ATXN7L1: variants seen among roughly 807,000 people sequenced by gnomAD.
ATXN7L1 encodes ataxin 7 like 1.
In ATXN7L1, 15 loss-of-function variants were observed where a neutral mutation model predicts 70.8. The observed-to-expected ratio is 0.21, with a 90% confidence interval of 0.14 to 0.33. The LOEUF (loss-of-function observed/expected upper bound fraction) is 0.33. ATXN7L1 is among the 10% of genes least tolerant of loss of function. ATXN7L1 has a pLI of 1.00. For synonymous variants in ATXN7L1, 440 were observed against 445.1 expected (o/e 0.99, Z 0.14); for missense variants, 975 against 1,097.1 (o/e 0.89, Z 1.57).
intron 3 of ATXN7L1, among the ~76,000 whole-genome samples, chr7:105,778,524 A>AAC (rs2116457715): frequency 1.4e-5 from 2 of 138,376 alleles, no homozygotes; most frequent in South Asian, 4.3e-4. Flanking sequence ...AAAAAAAAAA[A>AAC]AAAAAAAAAA....
intron 2 of ATXN7L1, chr7:105,875,123 G>A (rs1248051702): frequency 6.6e-6 from 1 of 152,624 alleles, no homozygotes. Flanking sequence ...TATTTATGAC[G>A]ACCATATGTG....
At chr7:105,823,930 G>A (rs532696223) in intron 2 of ATXN7L1, among the ~76,000 whole-genome samples, 3 of 152,268 alleles carry the variant, frequency 2.0e-5, no homozygotes, top group African/African-American at 7.2e-5. Flanking sequence ...AGGGGAGACT[G>A]CTTGAGAGTC....
chr7:105,810,520 T>G (rs17152163), intron 2 of ATXN7L1, among the ~76,000 whole-genome samples: 20,252 of 152,186 alleles, frequency 0.13, 2,028 homozygotes, highest in East Asian at 0.41. Flanking sequence ...AGGGTGCCAC[T>G]GAGAAGGTGA....
intron 3 of ATXN7L1, among the ~76,000 whole-genome samples, chr7:105,694,274 G>T (rs1242909008): frequency 6.6e-6 from 1 of 152,100 alleles, no homozygotes; most frequent in Non-Finnish European, 1.5e-5. Context: ...TCGATCTCCT[G>T]ATCTCAGGCA....
intron 2 of ATXN7L1, among the ~76,000 whole-genome samples, chr7:105,853,963 A>G (rs1815293588): frequency 1.3e-5 from 2 of 152,108 alleles, no homozygotes; most frequent in African/African-American, 4.8e-5. Context: ...ACACCTCCAC[A>G]GGGGCCTAAC....
At chr7:105,679,257 A>C in intron 3 of ATXN7L1, 4 of 624,476 alleles carry the variant, frequency 6.4e-6, no homozygotes, top group African/African-American at 2.0e-5. Context: ...TGTATCCTGA[A>C]TTTGGCAGAT....
intron 3 of ATXN7L1, among the ~76,000 whole-genome samples, chr7:105,751,889 T>A (rs937145037): frequency 4.6e-5 from 7 of 152,234 alleles, no homozygotes; most frequent in Non-Finnish European, 1.0e-4. Flanking sequence ...AATCTCTTTC[T>A]TATACTGGGC....
chr7:105,718,086 A>G (rs1794772192), intron 3 of ATXN7L1, among the ~76,000 whole-genome samples: 1 of 152,234 alleles, frequency 6.6e-6, no homozygotes, highest in Non-Finnish European at 1.5e-5. Context: ...AGTAAATTAG[A>G]TAAAATAATT....
At chr7:105,875,766 A>AT (rs1819148220) in intron 2 of ATXN7L1, 46 bp downstream of exon 2, 1 of 1,554,046 alleles carries the variant, frequency 6.4e-7, no homozygotes, top group Admixed American at 1.7e-5. Flanking sequence ...TCCTGTGAAG[A>AT]TTCTGCCACA....
At chr7:105,639,657 T>C in intron 5 of ATXN7L1, 88 bp from the exon 6 acceptor site, 1 of 914,528 alleles carries the variant, frequency 1.1e-6, no homozygotes, top group Non-Finnish European at 1.7e-6. Flanking sequence ...AAAATGCACA[T>C]TTGCACCAAC....
chr7:105,835,731 T>C (rs910871861), intron 2 of ATXN7L1, among the ~76,000 whole-genome samples: 1 of 152,226 alleles, frequency 6.6e-6, no homozygotes, highest in African/African-American at 2.4e-5. Context: ...AGAGCTTTTC[T>C]GACCCTTCAT....
At position 105,614,788 on chromosome 7, in the gene ATXN7L1, G is replaced by C; in HGVS notation, c.1546C>G (p.Leu516Val). The C allele has an allele frequency of 6.4e-7, 1 of 1,551,200 alleles. No individual in the cohort carries two copies. Residue 516 changes from leucine (L) to valine (V), a missense_variant, in exon 10 of 12, where the codon CTG becomes GTG. This residue lies in a region of ATXN7L1 where 635 missense variants were observed against 699.4 expected (regional missense o/e 0.91). Transcript: ENST00000419735. This position sits in a 1 kb window ranked among gnomAD's most constrained non-coding sequence, Gnocchi z 4.3. ...KKIPPAADSP[L>V]PSPAAHITTP... is the part of the protein sequence containing the mutation. ...GTGATGTGGGCTGCTGGCGAGGGCA[G>C]GGGGCTATCTGCCGCAGGAGGGATC...
intron 2 of ATXN7L1, among the ~76,000 whole-genome samples, chr7:105,855,009 C>T (rs1326432152): frequency 1.3e-5 from 2 of 148,280 alleles, no homozygotes; most frequent in African/African-American, 2.5e-5. Flanking sequence ...GGCTGGAGTG[C>T]AGTGGTGTGA....
chr7:105,763,716 T>A (rs1419939998), intron 3 of ATXN7L1, among the ~76,000 whole-genome samples: 2 of 152,352 alleles, frequency 1.3e-5, no homozygotes, highest in East Asian at 3.9e-4. Flanking sequence ...GCTTAAATGC[T>A]GCAAGGTGGG....
chr7:105,682,283 A>G (rs996224002), intron 3 of ATXN7L1, among the ~76,000 whole-genome samples: 4 of 152,214 alleles, frequency 2.6e-5, no homozygotes, highest in Non-Finnish European at 4.4e-5. Context: ...TTGCATAACA[A>G]TGTGAATACA....
chr7:105,619,573 A>G (rs1271023860), intron 9 of ATXN7L1, among the ~76,000 whole-genome samples: 3 of 98,136 alleles, frequency 3.1e-5, no homozygotes, highest in African/African-American at 1.2e-4. Context: ...TTTTTAAGAG[A>G]GAGGGTCTTG....
At position 105,759,484 on chromosome 7, in the gene ATXN7L1, G is replaced by GTGTGTGTGTGTGTT. The variant is rs1554453050; in HGVS notation, c.355+29119_355+29120insAACACACACACACA. Among the ~76,000 whole-genome samples the GTGTGTGTGTGTGTT allele has an allele frequency of 6.8e-4, 92 of 135,736 alleles. 2 individuals carry two copies. The highest frequency in any genetic ancestry group is 2.1e-3 in the African/African-American group (75 of 35,012). 89.0% of individuals were successfully genotyped at this position (135,736 alleles called of 152,430 possible). ...TGTGTGTGTGTGTGTGTGTGTGTGT[G>GTGTGTGTGTGTGTT]TGTGTGTATGTCAGAGTGACCTATC... On this transcript the variant is annotated intron_variant, in intron 3 of 11. Transcript: ENST00000419735.
chr7:105,736,247 C>G (rs1437103209), intron 3 of ATXN7L1, among the ~76,000 whole-genome samples: 1 of 152,208 alleles, frequency 6.6e-6, no homozygotes, highest in African/African-American at 2.4e-5. Flanking sequence ...AACAGGGAAG[C>G]TGAAAACATA....
At chr7:105,733,533 T>TCCATCCTTCCATCCATCCATCCAC (rs1796844064) in intron 3 of ATXN7L1, among the ~76,000 whole-genome samples, 1 of 104,134 alleles carries the variant, frequency 9.6e-6, no homozygotes, top group African/African-American at 4.7e-5. Context: ...CATCCATCCA[T>TCCATCCTTCCATCCATCCATCCAC]CCATCCACCC....
Sources: allele counts gnomAD v4.1 joint callset (sites outside exome capture counted in the v4.1 genomes callset), GRCh38; gene constraint gnomAD v4.1.1; regional missense constraint gnomAD v4.1.1; non-coding constraint Gnocchi (gnomAD v3.1); transcripts MANE v1.5; gene names NCBI Gene and HGNC (gene_info 2026-07-23, HGNC 2026-07-21).